ARHGAP24: variants seen among roughly 807,000 people sequenced by gnomAD.
ARHGAP24 encodes Rho GTPase activating protein 24.
ARHGAP24 carries 50 observed loss-of-function variants against 76.4 expected under a neutral mutation model. The ratio of observed to expected loss-of-function variants is 0.65; its 90% CI spans 0.52 to 0.83. The LOEUF is 0.83. Ranked by LOEUF, ARHGAP24 falls within the 40% of genes least tolerant of loss-of-function variation. The probability of loss-of-function intolerance (pLI) is 0.00; values close to 1 mark genes in which losing one functional copy is unlikely to be tolerated. For missense variants in ARHGAP24, 930 were observed against 914.2 expected (o/e 1.02, Z -0.22); for synonymous variants, 345 against 323.3 (o/e 1.07, Z -0.72).
chr4:85,599,750 T>C (rs575648486), intron 2 of ARHGAP24, among the ~76,000 whole-genome samples: 3 of 152,314 alleles, frequency 2.0e-5, no homozygotes, highest in African/African-American at 7.2e-5. Flanking sequence ...ACTATTTGTA[T>C]TTACTATTTC....
rs558160554 is a variant in ARHGAP24 at position 85,777,498 on chromosome 4, T to A, written c.268+55526T>A. Among the ~76,000 whole-genome samples, 13 of 152,276 alleles carry A rather than the reference T, an allele frequency of 8.5e-5. 1 individual carries two copies. Among genetic ancestry groups the A allele is most frequent in the Middle Eastern group, 3.4e-3 (1 of 294 alleles). ...AATAGTGGCCAGAGTGATTTCAGTGTGGGCCACTTCATATTTTGGTTTACT... is the reference window on the plus strand; with the variant it reads ...AATAGTGGCCAGAGTGATTTCAGTGAGGGCCACTTCATATTTTGGTTTACT... On this transcript the variant is annotated intron_variant, in intron 3 of 9. Transcript: ENST00000395184.
intron 4 of ARHGAP24, chr4:85,930,440 A>C: frequency 2.0e-6 from 2 of 986,648 alleles, no homozygotes; most frequent in Non-Finnish European, 2.4e-6. Context: ...AGATGAAAGG[A>C]GCCAGCAAGG....
chr4:85,713,318 T>G (rs1458911433), intron 2 of ARHGAP24, among the ~76,000 whole-genome samples: 1 of 152,010 alleles, frequency 6.6e-6, no homozygotes, highest in African/African-American at 2.4e-5. Flanking sequence ...AAAGATAAGT[T>G]CATTAATTAA....
intron 4 of ARHGAP24, among the ~76,000 whole-genome samples, chr4:85,939,946 C>A (rs1736861663): frequency 6.6e-6 from 1 of 151,232 alleles, no homozygotes; most frequent in Admixed American, 6.6e-5. Context: ...TCCCAAATGT[C>A]AACATATTAT....
chr4:85,600,274 A>T (rs1158392796), intron 2 of ARHGAP24, among the ~76,000 whole-genome samples: 1 of 152,224 alleles, frequency 6.6e-6, no homozygotes, highest in Non-Finnish European at 1.5e-5. Flanking sequence ...GGCAGGGGCC[A>T]GGTAATTCAG....
rs141490432 is a variant in ARHGAP24, at chr4:85,690,189, C to T, written c.181-31696C>T. ...GTTTATGTTGATCCAGTCTTTGTTG[C>T]GGATTTTTGCATTGATATTCTTCAG... On this transcript the variant is annotated intron_variant, in intron 2 of 9. Coordinates refer to ENST00000395184, the MANE Select transcript of ARHGAP24 (RefSeq NM_001025616.3). Among the ~76,000 whole-genome samples, 831 of 152,058 alleles carry T rather than the reference C, an allele frequency of 5.5e-3. 7 individuals are homozygous for T. The highest frequency in any genetic ancestry group is 0.018 in the African/African-American group (760 of 41,462).
chr4:85,532,365 G>C (rs1049414227), intron 1 of ARHGAP24, among the ~76,000 whole-genome samples: 2 of 152,110 alleles, frequency 1.3e-5, no homozygotes, highest in Non-Finnish European at 2.9e-5. Flanking sequence ...GAGGGCTGTG[G>C]ATGGCCAATG....
At chr4:85,555,887 G>A (rs1411892388) in intron 1 of ARHGAP24, among the ~76,000 whole-genome samples, 2 of 152,120 alleles carry the variant, frequency 1.3e-5, no homozygotes, top group Non-Finnish European at 2.9e-5. Flanking sequence ...AAACTGACTG[G>A]CTTCTTCTTT....
intron 1 of ARHGAP24, among the ~76,000 whole-genome samples, chr4:85,558,685 T>A (rs1053526128): frequency 4.6e-5 from 7 of 152,212 alleles, no homozygotes; most frequent in Admixed American, 2.0e-4. Flanking sequence ...TTAGAAAGCC[T>A]AATCATTTTG....
At chr4:85,926,697 C>G (rs1312551497) in intron 4 of ARHGAP24, among the ~76,000 whole-genome samples, 2 of 152,174 alleles carry the variant, frequency 1.3e-5, no homozygotes, top group Non-Finnish European at 2.9e-5. Context: ...TTCCACTTAA[C>G]ATTTCATTGA....
chr4:85,600,516 G>A (rs1212022086), intron 2 of ARHGAP24, among the ~76,000 whole-genome samples: 1 of 152,136 alleles, frequency 6.6e-6, no homozygotes, highest in Non-Finnish European at 1.5e-5. Context: ...CAAAGAAAAA[G>A]ATCTAGAAGA....
intron 3 of ARHGAP24, among the ~76,000 whole-genome samples, chr4:85,739,207 C>T (rs976244715): frequency 3.3e-5 from 5 of 152,218 alleles, no homozygotes; most frequent in African/African-American, 1.2e-4. Flanking sequence ...TCCCCTGCCT[C>T]CCTGGTGCAG....
intron 2 of ARHGAP24, among the ~76,000 whole-genome samples, chr4:85,670,241 T>G (rs981650574): frequency 2.6e-5 from 4 of 152,180 alleles, no homozygotes; most frequent in Non-Finnish European, 5.9e-5. Flanking sequence ...AAAAATTCTC[T>G]TAGGTTGCCT....
At chr4:85,672,734 G>T (rs78130277) in intron 2 of ARHGAP24, among the ~76,000 whole-genome samples, 4,458 of 152,248 alleles carry the variant, frequency 0.029, 203 homozygotes, top group African/African-American at 0.1. Flanking sequence ...TGTCAATCAG[G>T]ATGAGGACTG....
intron 2 of ARHGAP24, among the ~76,000 whole-genome samples, chr4:85,584,796 A>C (rs779809682): frequency 3.3e-5 from 5 of 152,192 alleles, no homozygotes; most frequent in Non-Finnish European, 7.3e-5. Context: ...TTCCTACTTT[A>C]ATAAATAAGA....
chr4:85,655,685 T>A (rs1180171339), intron 2 of ARHGAP24, among the ~76,000 whole-genome samples: 1 of 150,722 alleles, frequency 6.6e-6, no homozygotes, highest in Non-Finnish European at 1.5e-5. Flanking sequence ...GGTGGGAGAA[T>A]GGCTTGAACC....
At chr4:85,986,389 A>G (rs1739997513) in intron 8 of ARHGAP24, among the ~76,000 whole-genome samples, 1 of 152,210 alleles carries the variant, frequency 6.6e-6, no homozygotes, top group Non-Finnish European at 1.5e-5. Context: ...CTAGAAAACC[A>G]GAAAACTATA....
chr4:85,865,737 G>C lies in ARHGAP24; in HGVS notation c.269-57911G>C, dbSNP rs375583479. 9.2e-5 allele frequency among the ~76,000 whole-genome samples: 14 copies of C among 151,598 alleles called. No homozygotes were observed. In the South Asian group the frequency reaches 2.9e-3, roughly 32 times the overall value. On this transcript the variant is annotated intron_variant, in intron 3 of 9. Coordinates refer to ENST00000395184, the MANE Select transcript of ARHGAP24 (RefSeq NM_001025616.3). ...AAGAAGAATTATTAATTTCAATTAA[G>C]GATTATTTATATTCATAAAGACTTA...
chr4:85,657,464 C>T (rs1290433908), intron 2 of ARHGAP24, among the ~76,000 whole-genome samples: 2 of 152,006 alleles, frequency 1.3e-5, no homozygotes, highest in African/African-American at 4.8e-5. Flanking sequence ...TTTAACCTGT[C>T]TCAGAACTTG....
Sources: allele counts gnomAD v4.1 joint callset (sites outside exome capture counted in the v4.1 genomes callset), GRCh38; gene constraint gnomAD v4.1.1; transcripts MANE v1.5; gene names NCBI Gene and HGNC (gene_info 2026-07-23, HGNC 2026-07-21).